Variants in ECPAS observed in about 807,000 individuals in gnomAD.
ECPAS encodes Ecm29 proteasome adaptor and scaffold, also known as proteasome adapter and scaffold protein ECM29.
A neutral mutation model predicts 255.1 loss-of-function variants in ECPAS; 70 were observed. The observed-to-expected ratio is 0.27, with a 90% confidence interval of 0.23 to 0.33. ECPAS has a LOEUF of 0.33. Among genes scored for constraint, ECPAS ranks in the 10% least tolerant of loss-of-function variants. ECPAS has a pLI of 1.00. For synonymous variants in ECPAS, 784 were observed against 775.0 expected (o/e 1.01, Z -0.19); for missense variants, 1,817 against 2,206.4 (o/e 0.82, Z 3.54).
At chr9:111,419,634 T>C (rs1039521078) in intron 16 of ECPAS, among the ~76,000 whole-genome samples, 2 of 151,676 alleles carry the variant, frequency 1.3e-5, no homozygotes, top group Non-Finnish European at 1.5e-5. Flanking sequence ...TTAATACATA[T>C]GTCAAACCAT....
At chr9:111,421,817 G>T in intron 15 of ECPAS, 104 bp downstream of exon 15, 1 of 1,346,182 alleles carries the variant, frequency 7.4e-7, no homozygotes, top group Non-Finnish European at 1.0e-6. Context: ...CAGCCCAAGT[G>T]AAAGCAAATA....
At chr9:111,368,091 T>C (rs2098122821) in intron 46 of ECPAS, among the ~76,000 whole-genome samples, 1 of 151,494 alleles carries the variant, frequency 6.6e-6, no homozygotes, top group African/African-American at 2.4e-5. Flanking sequence ...GGATGCACTG[T>C]AGGACCCAAC....
chr9:111,418,235 C>T (rs2098207486), intron 16 of ECPAS, among the ~76,000 whole-genome samples: 1 of 152,088 alleles, frequency 6.6e-6, no homozygotes, highest in Non-Finnish European at 1.5e-5. Context: ...TTGAATTTGA[C>T]TCACATTAAA....
intron 35 of ECPAS, among the ~76,000 whole-genome samples, chr9:111,380,935 G>T (rs1764477719): frequency 6.6e-6 from 1 of 152,188 alleles, no homozygotes; most frequent in South Asian, 2.1e-4. Context: ...TTGGCTGAAG[G>T]GAATTTTGTG....
At chr9:111,365,997 T>C (rs1271860771) in intron 48 of ECPAS, 2 of 501,398 alleles carry the variant, frequency 4.0e-6, no homozygotes, top group Non-Finnish European at 7.1e-6. Flanking sequence ...GAAATTACTT[T>C]CAAGTAACAA....
Position 111,369,017 on chromosome 9 carries a change from G to A in ECPAS, c.5113+18C>T, listed in dbSNP as rs2098124095. 1 of 1,531,930 alleles carries A rather than the reference G, an allele frequency of 6.5e-7. No homozygotes were observed. Among genetic ancestry groups the A allele is most frequent in the Non-Finnish European group, 8.7e-7 (1 of 1,148,192 alleles). 94.9% of individuals were successfully genotyped at this position (1,531,930 alleles called of 1,614,324 possible). ...AACCTCTGGTTACAGCACTTCAAATGCAGTTTCTGGTGCTTACGTTGGGTC... is the reference window on the plus strand; with the variant it reads ...AACCTCTGGTTACAGCACTTCAAATACAGTTTCTGGTGCTTACGTTGGGTC... On this transcript the variant is annotated intron_variant, in intron 46 of 49. Coordinates refer to ENST00000684092, the MANE Select transcript of ECPAS (RefSeq NM_001364929.1).
chr9:111,419,793 AT>A (rs897483083), intron 16 of ECPAS, among the ~76,000 whole-genome samples: 3 of 149,782 alleles, frequency 2.0e-5, no homozygotes, highest in African/African-American at 7.3e-5. Flanking sequence ...ACACATATAT[AT>A]CTACATAATG....
chr9:111,478,820 T>C (rs2098299895), intron 1 of ECPAS, among the ~76,000 whole-genome samples: 1 of 152,248 alleles, frequency 6.6e-6, no homozygotes, highest in Non-Finnish European at 1.5e-5. Flanking sequence ...TACTTATCTG[T>C]TTACACATAT....
At chr9:111,453,139 C>T (rs1260248268) in intron 2 of ECPAS, among the ~76,000 whole-genome samples, 1 of 152,018 alleles carries the variant, frequency 6.6e-6, no homozygotes, top group African/African-American at 2.4e-5. Flanking sequence ...CCCAGCTACT[C>T]CAGAGGCTGA....
chr9:111,447,725 T>C (rs2098255190), intron 3 of ECPAS, among the ~76,000 whole-genome samples: 1 of 151,936 alleles, frequency 6.6e-6, no homozygotes, highest in African/African-American at 2.4e-5. Context: ...AAAAATGCTA[T>C]TTTATTAGTA....
intron 30 of ECPAS, 127 bp downstream of exon 30, chr9:111,389,857 G>A: frequency 2.6e-6 from 3 of 1,161,898 alleles, no homozygotes; most frequent in East Asian, 2.6e-5. Flanking sequence ...GCATTTGTGG[G>A]GTTCAGCTTT....
At chr9:111,439,427 G>A (rs12344026) in intron 6 of ECPAS, among the ~76,000 whole-genome samples, 2 of 151,728 alleles carry the variant, frequency 1.3e-5, no homozygotes, top group African/African-American at 4.8e-5. Context: ...TGCCATGAGG[G>A]CTGACTAATT....
chr9:111,430,692 A>G lies in ECPAS; in HGVS notation c.849-64T>C, dbSNP rs7873716. The G allele has an allele frequency of 0.012, 11,745 of 986,412 alleles. 898 individuals carry two copies. The African/African-American group carries it at 0.17, about 14-fold the overall frequency. 61.1% of individuals were successfully genotyped at this position (986,412 alleles called of 1,614,324 possible). A position where few individuals can be genotyped will look rare whatever the true frequency, so the allele number is the denominator to read the frequency against. On this transcript the variant is annotated intron_variant, in intron 8 of 49. Coordinates refer to ENST00000684092, the MANE Select transcript of ECPAS (RefSeq NM_001364929.1). ...TCCCCCTCCTTCAGTGATTTCAAAA[A>G]AATTATAGCCCCAACATTTCTTAAC... is the stretch of plus-strand genomic sequence containing the variant.
At chr9:111,427,523 G>C (rs1020361542) in intron 10 of ECPAS, among the ~76,000 whole-genome samples, 1 of 152,186 alleles carries the variant, frequency 6.6e-6, no homozygotes, top group Non-Finnish European at 1.5e-5. Context: ...TTCCTTACTG[G>C]AAATGCTTAG....
At chr9:111,444,532 A>G (rs375820080) in intron 3 of ECPAS, 38 bp from the exon 4 acceptor site, 1 of 1,342,820 alleles carries the variant, frequency 7.4e-7, no homozygotes, top group Non-Finnish European at 1.1e-6. Context: ...GTTATTGATC[A>G]TATCTTAAAA....
rs201136130 is a variant in ECPAS, at chr9:111,386,420, C to T, written c.3484G>A (p.Val1162Ile). Residue 1162 changes from valine (V) to isoleucine (I), a missense_variant, in exon 32 of 50, where the codon GTT becomes ATT. Around this residue, in one of 4 missense-constraint regions of ECPAS, gnomAD observed 960 missense variants for 1,179.0 expected, o/e 0.81. Coordinates refer to ENST00000684092, the MANE Select transcript of ECPAS (RefSeq NM_001364929.1). ...KYLKEILQDL[V>I]KNLTSNMWRV... ...CACATATTGCTTGTAAGGTTCTTAA[C>T]CAAATCTTGAAGAATTTCTTTCAAA... is the stretch of plus-strand genomic sequence containing the variant. The T allele has an allele frequency of 1.2e-6, 2 of 1,602,690 alleles. No homozygotes were observed. The highest frequency in any genetic ancestry group is 1.3e-5 in the African/African-American group (1 of 74,708).
chr9:111,396,978 A>G, intron 25 of ECPAS, 52 bp downstream of exon 25: 1 of 1,609,402 alleles, frequency 6.2e-7, no homozygotes, highest in Non-Finnish European at 8.5e-7. Flanking sequence ...GATAAAGAGA[A>G]CAAAAAAAGG....
In ECPAS at chr9:111,373,393, A is replaced by G. The variant is rs376667722; in HGVS notation, c.4191T>C (p.Ser1397=). Residue 1397 remains serine (S), a synonymous_variant, in exon 40 of 50, where the codon AGT becomes AGC. Coordinates refer to ENST00000684092, the MANE Select transcript of ECPAS (RefSeq NM_001364929.1). ...DLTPYSGKLM[S]ALLSGLTDRN... ...GATCTGTCAGGCCACTCAGCAAAGCACTCATAAGTTTACCTACCAGAAATA... is the reference window on the plus strand; with the variant it reads ...GATCTGTCAGGCCACTCAGCAAAGCGCTCATAAGTTTACCTACCAGAAATA... 1.2e-5 allele frequency: 20 copies of G among 1,613,410 alleles called. No individual in the cohort carries two copies. Among genetic ancestry groups the G allele is most frequent in the East Asian group, 4.5e-5 (2 of 44,864 alleles).
chr9:111,445,018 T>G lies in ECPAS; in HGVS notation c.154-524A>C, dbSNP rs181442181. Reference sequence around the variant, plus strand: ...TTTTTTTTTTTTTTTTTTTTTGACATGGAGTCTCGCTCTGTTGCCCAGGCT... The same window carrying G: ...TTTTTTTTTTTTTTTTTTTTTGACAGGGAGTCTCGCTCTGTTGCCCAGGCT... On this transcript the variant is annotated intron_variant, in intron 3 of 49. Transcript: ENST00000684092. 3.5e-4 allele frequency among the ~76,000 whole-genome samples: 42 copies of G among 118,396 alleles called. No individual in the cohort carries two copies. In the East Asian group the frequency reaches 9.1e-3, roughly 26 times the overall value. 77.7% of individuals were successfully genotyped at this position (118,396 alleles called of 152,430 possible). A position where few individuals can be genotyped will look rare whatever the true frequency, so the allele number is the denominator to read the frequency against.
Sources: gnomAD v4.1 joint callset for allele counts (sites outside exome capture counted in the v4.1 genomes callset) on GRCh38, gnomAD v4.1.1 for gene constraint, gnomAD v4.1.1 regional missense constraint, MANE v1.5 for transcripts, NCBI Gene and HGNC (gene_info 2026-07-23, HGNC 2026-07-21) for gene names.